RBPJ: variants seen among roughly 807,000 people sequenced by gnomAD.
RBPJ encodes recombining binding protein suppressor of hairless.
In RBPJ, 9 loss-of-function variants were observed where a neutral mutation model predicts 67.8. That is an observed-to-expected ratio of 0.13 (90% CI 0.08 to 0.23). The LOEUF is 0.23. Ranked by LOEUF, RBPJ falls within the 10% of genes least tolerant of loss-of-function variation. The probability of loss-of-function intolerance (pLI) is 1.00; values close to 1 mark genes in which losing one functional copy is unlikely to be tolerated. For missense variants in RBPJ, 305 were observed against 595.6 expected (o/e 0.51, Z 5.08); for synonymous variants, 198 against 203.3 (o/e 0.97, Z 0.22).
At chr4:26,230,065 C>A (rs1251524586) in intron 1 of RBPJ, among the ~76,000 whole-genome samples, 1 of 151,742 alleles carries the variant, frequency 6.6e-6, no homozygotes, top group Non-Finnish European at 1.5e-5. Context: ...TGGCGTGCAC[C>A]TATAATCTCA....
chr4:26,204,723 A>G (rs756012918), intron 1 of RBPJ, among the ~76,000 whole-genome samples: 7 of 152,240 alleles, frequency 4.6e-5, no homozygotes, highest in Non-Finnish European at 1.0e-4. Flanking sequence ...TTTTCTTAGC[A>G]TGAACATAGC....
At chr4:26,339,421 G>A (rs1725256344) in intron 1 of RBPJ, among the ~76,000 whole-genome samples, 2 of 152,036 alleles carry the variant, frequency 1.3e-5, no homozygotes, top group African/African-American at 4.8e-5. Flanking sequence ...ATCACTTGCG[G>A]TCAGGAGTTC....
In RBPJ at chr4:26,203,064, C is replaced by T. The variant is rs191519603; in HGVS notation, c.-167+39450C>T. On this transcript the variant is annotated intron_variant, in intron 1 of 4. Transcript: ENST00000512351. ...AAAGAAAAATAATTTCTCACCTCCACCGCTGGGTCAACCCTATCTAGTCCA... is the reference window on the plus strand; with the variant it reads ...AAAGAAAAATAATTTCTCACCTCCATCGCTGGGTCAACCCTATCTAGTCCA... Among the ~76,000 whole-genome samples the T allele has an allele frequency of 1.2e-4, 18 of 152,264 alleles. No homozygotes were observed. In the East Asian group the frequency reaches 3.5e-3, roughly 29 times the overall value.
chr4:26,291,749 G>A (rs933204888), intron 1 of RBPJ, among the ~76,000 whole-genome samples: 2 of 150,288 alleles, frequency 1.3e-5, no homozygotes, highest in African/African-American at 4.9e-5. Flanking sequence ...GTTAATTTTT[G>A]TATTTTAATA....
At chr4:26,285,678 T>TAAAAAA (rs545484809) in intron 1 of RBPJ, among the ~76,000 whole-genome samples, 14 of 96,262 alleles carry the variant, frequency 1.5e-4, no homozygotes, top group African/African-American at 5.0e-4. Context: ...ACTGATACGT[T>TAAAAAA]AAAAAAAAAA....
chr4:26,412,133 T>C (rs1046524955), intron 3 of RBPJ, among the ~76,000 whole-genome samples: 5 of 138,506 alleles, frequency 3.6e-5, no homozygotes, highest in African/African-American at 1.3e-4. Flanking sequence ...AAAAAAAAAG[T>C]ACCATTTATG....
chr4:26,238,566 G>A (rs1314010757), intron 1 of RBPJ, among the ~76,000 whole-genome samples: 1 of 152,208 alleles, frequency 6.6e-6, no homozygotes, highest in Non-Finnish European at 1.5e-5. Flanking sequence ...CACAGAGCTG[G>A]TAAGTGACAA....
intron 1 of RBPJ, among the ~76,000 whole-genome samples, chr4:26,366,487 G>A (rs1382772326): frequency 1.3e-5 from 2 of 152,076 alleles, no homozygotes; most frequent in Non-Finnish European, 2.9e-5. Context: ...ACAGTGACAT[G>A]ATCTCAGCTC....
chr4:26,130,345 A>G, the RBPJ span, among the ~76,000 whole-genome samples: 2 of 152,232 alleles, frequency 1.3e-5, no homozygotes, highest in Admixed American at 1.3e-4. Context: ...TCTTCTCACT[A>G]TGAGTAATTA....
intron 1 of RBPJ, among the ~76,000 whole-genome samples, chr4:26,297,546 T>G (rs573349594): frequency 6.6e-6 from 1 of 152,196 alleles, no homozygotes; most frequent in Non-Finnish European, 1.5e-5. Context: ...ACCTTTTTTA[T>G]AAGTAGCAGA....
At chr4:26,114,497 A>ATGTGTGTGTG in the RBPJ span, among the ~76,000 whole-genome samples, 1 of 140,036 alleles carries the variant, frequency 7.1e-6, no homozygotes, top group African/African-American at 2.8e-5. Context: ...ATATATATAT[A>ATGTGTGTGTG]TGTATGTGTG....
At chr4:26,116,603 A>T in the RBPJ span, among the ~76,000 whole-genome samples, 1 of 152,124 alleles carries the variant, frequency 6.6e-6, no homozygotes, top group East Asian at 1.9e-4. Flanking sequence ...GCAGCCCTGG[A>T]TTCCTAGGAA....
chr4:26,125,765 C>T, the RBPJ span, among the ~76,000 whole-genome samples: 12 of 151,322 alleles, frequency 7.9e-5, no homozygotes, highest in Non-Finnish European at 4.4e-5. Flanking sequence ...CACCAGTGCA[C>T]TCCAGCCTGG....
chr4:26,292,512 C>G (rs1472100204), intron 1 of RBPJ, among the ~76,000 whole-genome samples: 3 of 150,324 alleles, frequency 2.0e-5, no homozygotes, highest in African/African-American at 7.4e-5. Flanking sequence ...CCTCTGCCTC[C>G]CGGGTTCAAG....
At chr4:26,381,064 T>A (rs570387938) in intron 1 of RBPJ, among the ~76,000 whole-genome samples, 17 of 150,832 alleles carry the variant, frequency 1.1e-4, no homozygotes, top group African/African-American at 3.9e-4. Flanking sequence ...TATATTTTTC[T>A]GTATTCAAGA....
In RBPJ at chr4:26,305,967, G is replaced by T. The variant is rs758558071; in HGVS notation, c.-166-56479G>T. On this transcript the variant is annotated intron_variant, in intron 1 of 4. Transcript: ENST00000512351. Reference sequence around the variant, plus strand: ...GCTAATTTTTTTTTTAATATTTTTAGTACAGATGGGGTTTCACCATTTTAG... The same window carrying T: ...GCTAATTTTTTTTTTAATATTTTTATTACAGATGGGGTTTCACCATTTTAG... Among the ~76,000 whole-genome samples, 3 of 150,972 alleles carry T rather than the reference G, an allele frequency of 2.0e-5. No homozygotes were observed. The South Asian group carries it at 6.3e-4, about 32-fold the overall frequency.
chr4:26,159,683 T>C (rs1333399368), upstream of RBPJ, among the ~76,000 whole-genome samples: 1 of 152,218 alleles, frequency 6.6e-6, no homozygotes, highest in Non-Finnish European at 1.5e-5. Context: ...TATAGTGTGA[T>C]ATTAATTAGG....
At chr4:26,135,446 G>A in the RBPJ span, among the ~76,000 whole-genome samples, 27 of 152,170 alleles carry the variant, frequency 1.8e-4, no homozygotes, top group South Asian at 6.2e-4. Context: ...AACCCTGTGA[G>A]GCAGATGAGG....
At chr4:26,426,415 C>A (rs1363380636) in intron 7 of RBPJ, among the ~76,000 whole-genome samples, 3 of 152,200 alleles carry the variant, frequency 2.0e-5, no homozygotes, top group Non-Finnish European at 2.9e-5. Context: ...ACACTCAAAA[C>A]TGTATGGCTT....
Sources: allele counts gnomAD v4.1 joint callset (sites outside exome capture counted in the v4.1 genomes callset), GRCh38; gene constraint gnomAD v4.1.1; transcripts MANE v1.5; gene names NCBI Gene and HGNC (gene_info 2026-07-23, HGNC 2026-07-21).